Variants in ADGRD1 observed in about 807,000 individuals in gnomAD.
ADGRD1 encodes G-protein coupled receptor 133.
A neutral mutation model predicts 113.4 loss-of-function variants in ADGRD1; 77 were observed. The observed-to-expected ratio is 0.68, with a 90% CI of 0.57 to 0.82. The LOEUF is 0.82. ADGRD1 is among the 40% of genes least tolerant of loss of function. The pLI is 0.00. For missense variants in ADGRD1, 1,036 were observed against 1,139.1 expected (o/e 0.91, Z 1.30); for synonymous variants, 474 against 475.0 (o/e 1.00, Z 0.03).
chr12:131,079,934 T>C (rs550075742), intron 14 of ADGRD1, among the ~76,000 whole-genome samples: 1 of 152,276 alleles, frequency 6.6e-6, no homozygotes, highest in East Asian at 1.9e-4. Flanking sequence ...TTTGGCTTCA[T>C]TGATTTTTCT....
At chr12:131,092,101 G>C (rs1442918723) in intron 15 of ADGRD1, 1 of 152,276 alleles carries the variant, frequency 6.6e-6, no homozygotes, top group Non-Finnish European at 1.5e-5. Flanking sequence ...CTGTACTGCC[G>C]CAGGTAGGTG....
chr12:131,123,820 C>T (rs1272315369), intron 20 of ADGRD1, among the ~76,000 whole-genome samples: 5 of 145,350 alleles, frequency 3.4e-5, no homozygotes, highest in Admixed American at 6.8e-5. Context: ...AGTGAGACTC[C>T]GTCTCAAAAA....
chr12:131,089,668 A>G (rs1166368922), intron 15 of ADGRD1, among the ~76,000 whole-genome samples: 14 of 151,380 alleles, frequency 9.2e-5, no homozygotes, highest in African/African-American at 3.4e-4. Context: ...CTCCCTGCCT[A>G]TGGGGGCTCC....
intron 15 of ADGRD1, among the ~76,000 whole-genome samples, chr12:131,089,857 G>A (rs898946231): frequency 1.3e-5 from 2 of 152,254 alleles, no homozygotes; most frequent in African/African-American, 4.8e-5. Flanking sequence ...GAATGTTGGG[G>A]TTGTGCCCAT....
At chr12:131,004,093 CAAAAA>C in intron 10 of ADGRD1, 88 bp from the exon 11 acceptor site, 1 of 738,430 alleles carries the variant, frequency 1.4e-6, no homozygotes, top group African/African-American at 1.8e-5. Context: ...CTTGTCCTGT[CAAAAA>C]AGAAAAGCAG....
At chr12:130,972,745 T>G (rs967128012) in intron 4 of ADGRD1, among the ~76,000 whole-genome samples, 2 of 152,160 alleles carry the variant, frequency 1.3e-5, no homozygotes, top group Non-Finnish European at 2.9e-5. Flanking sequence ...GGTGGCTTTT[T>G]CTGGGTTTCT....
intron 20 of ADGRD1, among the ~76,000 whole-genome samples, chr12:131,126,992 C>T (rs1054832665): frequency 1.8e-4 from 28 of 152,130 alleles, no homozygotes; most frequent in African/African-American, 4.6e-4. Context: ...AGTCCCCCAC[C>T]GCACCGATGC....
At position 131,131,732 on chromosome 12, in the gene ADGRD1, T is replaced by C. The variant is rs769166928; in HGVS notation, c.2183T>C (p.Ile728Thr). 3 of 1,608,678 alleles carry C rather than the reference T, an allele frequency of 1.9e-6. No individual in the cohort carries two copies. Among genetic ancestry groups the C allele is most frequent in the African/African-American group, 1.3e-5 (1 of 74,696 alleles). ...CCATGGTTTCTTGTGCAGGTCAACA[T>C]TGGCATCCTCATCGCTGTGACCAGA... ...APALFVIVVN[I>T]GILIAVTRVI... is the part of the protein sequence containing the mutation. The change falls in exon 21 of 25, where the codon ATT becomes ACT. Residue 728 changes from isoleucine to threonine, a missense_variant. Ile to Thr is a moderately conservative substitution (Grantham distance 89). Transcript: ENST00000261654.
intron 13 of ADGRD1, among the ~76,000 whole-genome samples, chr12:131,043,237 TC>T (rs1882324144): frequency 6.6e-6 from 1 of 152,136 alleles, no homozygotes; most frequent in South Asian, 2.1e-4. Context: ...GTTCATTGCT[TC>T]CTCCCACAGC....
chr12:130,967,372 C>T lies in ADGRD1; in HGVS notation c.187+826C>T. On this transcript the variant is annotated intron_variant, in intron 3 of 24. Coordinates refer to ENST00000261654, the MANE Select transcript of ADGRD1 (RefSeq NM_198827.5). ...TCACATCTTTCTGGGTATTTTTTTCCCCTTTCTAATAAGGACTTTTTAAAA... is the reference window on the plus strand; with the variant it reads ...TCACATCTTTCTGGGTATTTTTTTCTCCTTTCTAATAAGGACTTTTTAAAA... 2 of 173,774 alleles carry T rather than the reference C, an allele frequency of 1.2e-5. 1 individual carries two copies. Among genetic ancestry groups the T allele is most frequent in the South Asian group, 2.7e-4 (2 of 7,346 alleles). 10.8% of individuals were successfully genotyped at this position (173,774 alleles called of 1,614,324 possible). A position where few individuals can be genotyped will look rare whatever the true frequency, so the allele number is the denominator to read the frequency against.
intron 11 of ADGRD1, 34 bp downstream of exon 11, chr12:131,004,330 C>A (rs765857527): frequency 1.4e-6 from 2 of 1,461,268 alleles, no homozygotes; most frequent in Non-Finnish European, 1.9e-6. Context: ...CCTTCCGGGG[C>A]GGCTCCCTCA....
At chr12:131,023,897 G>C (rs2136885925) in intron 13 of ADGRD1, 1 of 152,316 alleles carries the variant, frequency 6.6e-6, no homozygotes, top group Non-Finnish European at 1.5e-5. Context: ...GGGCAATGAA[G>C]TGACAAACAG....
At chr12:131,136,915 G>A in intron 22 of ADGRD1, 58 bp from the exon 23 acceptor site, 1 of 1,341,082 alleles carries the variant, frequency 7.5e-7, no homozygotes. Context: ...GGAACCTCCA[G>A]TGTTCCTAAC....
At chr12:131,107,077 A>G (rs1225538808) in intron 17 of ADGRD1, among the ~76,000 whole-genome samples, 3 of 152,158 alleles carry the variant, frequency 2.0e-5, no homozygotes, top group Non-Finnish European at 4.4e-5. Context: ...AGGTGTCTAT[A>G]ATCCCAGCTG....
chr12:131,132,135 A>G (rs764319294), intron 21 of ADGRD1, among the ~76,000 whole-genome samples: 7 of 152,184 alleles, frequency 4.6e-5, no homozygotes, highest in Admixed American at 6.5e-5. Context: ...AGAGCCAGAA[A>G]GCCCCTGCCA....
chr12:131,088,438 TG>T (rs1886653050), intron 15 of ADGRD1, among the ~76,000 whole-genome samples: 1 of 152,242 alleles, frequency 6.6e-6, no homozygotes, highest in African/African-American at 2.4e-5. Context: ...AACGCAGTCC[TG>T]GTGATGCCGG....
At chr12:131,024,962 C>T (rs1002972328) in intron 13 of ADGRD1, among the ~76,000 whole-genome samples, 16 of 152,190 alleles carry the variant, frequency 1.1e-4, no homozygotes, top group Non-Finnish European at 2.1e-4. Flanking sequence ...CTGGGGGAAC[C>T]GTCTCTGCAG....
chr12:130,969,033 T>C, intron 3 of ADGRD1: 1 of 1,534,240 alleles, frequency 6.5e-7, no homozygotes, highest in South Asian at 1.2e-5. Flanking sequence ...TTTTGTGTAT[T>C]CCAATGATTC....
intron 13 of ADGRD1, among the ~76,000 whole-genome samples, chr12:131,043,740 G>A (rs1008147438): frequency 3.3e-5 from 5 of 152,218 alleles, no homozygotes; most frequent in East Asian, 1.9e-4. Context: ...GCTGGGGAAC[G>A]GGCTCGTGCG....
Sources: gnomAD v4.1 joint callset for allele counts (sites outside exome capture counted in the v4.1 genomes callset) on GRCh38, gnomAD v4.1.1 for gene constraint, MANE v1.5 for transcripts, NCBI Gene and HGNC (gene_info 2026-07-23, HGNC 2026-07-21) for gene names.